STAM: variants seen among roughly 807,000 people sequenced by gnomAD.
STAM encodes the protein signal transducing adaptor molecule, also known as signal transducing adapter molecule 1.
STAM carries 16 observed loss-of-function variants against 63.4 expected under a neutral mutation model. The observed-to-expected ratio is 0.25, with a 90% CI of 0.17 to 0.38. STAM has a LOEUF of 0.38. Ranked by LOEUF, STAM falls within the 10% of genes least tolerant of loss-of-function variation. The pLI, the probability that STAM is intolerant of heterozygous loss-of-function variation, is 1.00. For missense variants in STAM, 636 were observed against 657.1 expected, an observed-to-expected ratio of 0.97 and a Z score of 0.35; for synonymous variants, 238 against 223.9, an observed-to-expected ratio of 1.06 and a Z score of -0.56.
At chr10:17,671,801 A>G (rs1834649903) in intron 2 of STAM, among the ~76,000 whole-genome samples, 2 of 152,176 alleles carry the variant, frequency 1.3e-5, no homozygotes, top group Non-Finnish European at 2.9e-5. Context: ...TTAGGCAAAT[A>G]CCCTGTTATT....
intron 11 of STAM, 123 bp downstream of exon 11, chr10:17,705,147 C>G: frequency 1.3e-6 from 1 of 755,314 alleles, no homozygotes; most frequent in Non-Finnish European, 2.2e-6. Flanking sequence ...CTCTCATTCA[C>G]ATATCTTGTG....
intron 2 of STAM, among the ~76,000 whole-genome samples, chr10:17,679,325 A>G (rs1834985479): frequency 6.6e-6 from 1 of 152,142 alleles, no homozygotes; most frequent in Non-Finnish European, 1.5e-5. Context: ...AGCGATGTTG[A>G]GCATTTGTTA....
chr10:17,689,739 T>C (rs1252356446), intron 5 of STAM, among the ~76,000 whole-genome samples: 1 of 152,190 alleles, frequency 6.6e-6, no homozygotes, highest in African/African-American at 2.4e-5. Flanking sequence ...ATCTAGAGTC[T>C]TTGGTTCTTG....
Position 17,714,831 on chromosome 10 carries a change from G to A in STAM, c.*51G>A. On this transcript the variant is annotated 3_prime_UTR_variant, in exon 14 of 14. Coordinates refer to ENST00000377524, the MANE Select transcript of STAM (RefSeq NM_003473.4). ...ATACCTGCTAAATGCCACTGACAAT[G>A]TTATGAGATTCATTACTATCTTAAG... is the stretch of plus-strand genomic sequence containing the variant. The A allele has an allele frequency of 1.3e-6, 2 of 1,482,668 alleles. No homozygotes were observed. Among genetic ancestry groups the A allele is most frequent in the Non-Finnish European group, 1.9e-6 (2 of 1,060,668 alleles). 91.8% of individuals were successfully genotyped at this position (1,482,668 alleles called of 1,614,324 possible).
At chr10:17,669,236 A>T (rs1834526194) in intron 2 of STAM, among the ~76,000 whole-genome samples, 1 of 151,784 alleles carries the variant, frequency 6.6e-6, no homozygotes, top group African/African-American at 2.4e-5. Context: ...TTATATTTGC[A>T]TATGTATTTA....
At chr10:17,705,817 C>T in intron 12 of STAM, 76 bp downstream of exon 12, 3 of 1,437,648 alleles carry the variant, frequency 2.1e-6, no homozygotes, top group Non-Finnish European at 2.8e-6. Flanking sequence ...CCTGTAATCT[C>T]AGCAATTTGG....
rs369452515 is a variant in STAM, at chr10:17,644,292, C to T, written c.-48C>T. ...CCATCCTACGTCGAGCTCTGACTCC[C>T]GTGCTGTCGAGAGGGAGTCCCCGGG... On this transcript the variant is annotated 5_prime_UTR_variant, in exon 1 of 14. Coordinates refer to ENST00000377524, the MANE Select transcript of STAM (RefSeq NM_003473.4). 4 of 1,609,638 alleles carry T rather than the reference C, an allele frequency of 2.5e-6. No individual in the cohort carries two copies. The highest frequency in any genetic ancestry group is 1.3e-5 in the African/African-American group (1 of 74,824).
chr10:17,684,664 C>T lies in STAM; in HGVS notation c.126-11C>T, dbSNP rs376259120. ...ATTATTAAGTAATTTTTACTTTTCT[C>T]ATTTTTTTAGACCTAAGGATTGTCT... On this transcript the variant is annotated splice_polypyrimidine_tract_variant and intron_variant, in intron 2 of 13. Coordinates refer to ENST00000377524, the MANE Select transcript of STAM (RefSeq NM_003473.4). The T allele has an allele frequency of 3.7e-6, 6 of 1,608,434 alleles. No homozygotes were observed. In the African/African-American group the frequency reaches 6.7e-5, roughly 18 times the overall value.
chr10:17,675,662 C>T (rs1225496140), intron 2 of STAM, among the ~76,000 whole-genome samples: 1 of 152,180 alleles, frequency 6.6e-6, no homozygotes, highest in African/African-American at 2.4e-5. Context: ...AGACTATGAA[C>T]TTCATGAAGC....
chr10:17,675,190 A>G (rs1315247253), intron 2 of STAM, among the ~76,000 whole-genome samples: 7 of 152,202 alleles, frequency 4.6e-5, no homozygotes, highest in South Asian at 4.1e-4. Context: ...ATGAACATTC[A>G]TAAAAGCCTA....
At position 17,661,016 on chromosome 10, in the gene STAM, G is replaced by A. The variant is rs1402136514; in HGVS notation, c.125+468G>A. Among the ~76,000 whole-genome samples the A allele has an allele frequency of 2.0e-5, 3 of 152,234 alleles. No individual in the cohort carries two copies. In the South Asian group the frequency reaches 6.2e-4, roughly 32 times the overall value. On this transcript the variant is annotated intron_variant, in intron 2 of 13. Transcript: ENST00000377524. ...TACCAAGTTTCATGGTTATTTATGA[G>A]TTCTTTTCTCCTTTGTCAGATTTGC...
At chr10:17,680,370 C>T (rs1835032673) in intron 2 of STAM, among the ~76,000 whole-genome samples, 1 of 151,930 alleles carries the variant, frequency 6.6e-6, no homozygotes, top group South Asian at 2.1e-4. Context: ...CTCCCCAGGC[C>T]CCCTGGCAAC....
intron 5 of STAM, among the ~76,000 whole-genome samples, chr10:17,691,017 C>G (rs1361079913): frequency 1.3e-5 from 2 of 152,168 alleles, no homozygotes; most frequent in African/African-American, 4.8e-5. Flanking sequence ...TCAAATCTGT[C>G]TAATTGTGAA....
At chr10:17,699,661 A>G (rs1835905765) in intron 8 of STAM, among the ~76,000 whole-genome samples, 1 of 152,200 alleles carries the variant, frequency 6.6e-6, no homozygotes, top group African/African-American at 2.4e-5. Flanking sequence ...AAAGTTCTCC[A>G]CTGGCATGGA....
chr10:17,674,586 C>G (rs1834769450), intron 2 of STAM, among the ~76,000 whole-genome samples: 1 of 152,136 alleles, frequency 6.6e-6, no homozygotes, highest in Admixed American at 6.5e-5. Context: ...ATCCTAAGAG[C>G]TAGTGCTCCA....
intron 4 of STAM, 90 bp downstream of exon 4, chr10:17,685,017 G>A: frequency 9.5e-7 from 1 of 1,056,208 alleles, no homozygotes; most frequent in Admixed American, 2.7e-5. Context: ...ACTATTCTGT[G>A]CTTTTTAAGA....
chr10:17,695,016 A>G, intron 6 of STAM, 33 bp from the exon 7 acceptor site: 2 of 1,601,202 alleles, frequency 1.2e-6, no homozygotes, highest in Non-Finnish European at 1.7e-6. Context: ...ATATAATAAC[A>G]TTTTGGGTCT....
At chr10:17,658,401 A>G (rs1271863114) in intron 1 of STAM, among the ~76,000 whole-genome samples, 1 of 152,028 alleles carries the variant, frequency 6.6e-6, no homozygotes, top group Non-Finnish European at 1.5e-5. Context: ...AAGAATGTGT[A>G]TTCTGTTGTT....
chr10:17,660,121 G>A (rs1347124010), intron 1 of STAM, among the ~76,000 whole-genome samples: 1 of 151,602 alleles, frequency 6.6e-6, no homozygotes, highest in Non-Finnish European at 1.5e-5. Context: ...AGATTTACTA[G>A]CAAGTAAATA....
Sources: allele counts gnomAD v4.1 joint callset (sites outside exome capture counted in the v4.1 genomes callset), GRCh38; gene constraint gnomAD v4.1.1; transcripts MANE v1.5; gene names NCBI Gene and HGNC (gene_info 2026-07-23, HGNC 2026-07-21).